The following SDK1 variants were observed in gnomAD, a reference collection of about 807,000 sequenced individuals.
SDK1 encodes sidekick cell adhesion molecule 1.
Under a neutral mutation model 245.5 loss-of-function variants are expected in SDK1, and 157 were observed. That is an observed-to-expected ratio of 0.64 (90% CI 0.56 to 0.73). The LOEUF (loss-of-function observed/expected upper bound fraction) is 0.73, where lower values mean the gene tolerates loss of function less well. Ranked by LOEUF, SDK1 falls within the 30% of genes least tolerant of loss-of-function variation. SDK1 has a pLI of 0.00. For synonymous variants in SDK1, 1,647 were observed against 1,278.5 expected (o/e 1.29, Z -6.15); for missense variants, 3,583 against 3,002.3 (o/e 1.19, Z -4.52).
At chr7:3,876,279 C>T (rs1458960622) in intron 5 of SDK1, among the ~76,000 whole-genome samples, 1 of 152,210 alleles carries the variant, frequency 6.6e-6, no homozygotes. Flanking sequence ...TTTTGGGCAG[C>T]ATTTTCCCCA....
rs201629013 is a variant in SDK1 at position 3,662,907 on chromosome 7, G to GA, written c.713+20808dup. 7.5e-3 allele frequency among the ~76,000 whole-genome samples: 1,148 copies of GA among 152,244 alleles called. 13 individuals are homozygous for GA. The highest frequency in any genetic ancestry group is 0.026 in the African/African-American group (1,083 of 41,542). ...TGCATTATGCAGATACTTGAAATCT[G>GA]AAAAAATCTGAAATACGAAGCACTT... is the stretch of plus-strand genomic sequence containing the variant. On this transcript the variant is annotated intron_variant, in intron 4 of 44. Coordinates refer to ENST00000404826, the MANE Select transcript of SDK1 (RefSeq NM_152744.4).
intron 1 of SDK1, among the ~76,000 whole-genome samples, chr7:3,391,888 C>CA: frequency 6.6e-6 from 1 of 151,570 alleles, no homozygotes; most frequent in East Asian, 1.9e-4. Flanking sequence ...GTTGCCCTCC[C>CA]AAAGTGATGG....
chr7:4,017,507 C>T (rs1220953426), intron 17 of SDK1, among the ~76,000 whole-genome samples, 155 bp downstream of exon 17: 4 of 152,176 alleles, frequency 2.6e-5, no homozygotes, highest in African/African-American at 4.8e-5. Context: ...TGGGATCTCT[C>T]CAGCTATTCC....
intron 1 of SDK1, among the ~76,000 whole-genome samples, chr7:3,586,699 C>T (rs1352005897): frequency 6.4e-5 from 9 of 140,282 alleles, no homozygotes; most frequent in East Asian, 2.0e-4. Flanking sequence ...AGCAAGACTC[C>T]GTCTCAAAAA....
intron 2 of SDK1, among the ~76,000 whole-genome samples, chr7:3,621,601 GA>G (rs1349935569): frequency 6.6e-6 from 1 of 152,184 alleles, no homozygotes; most frequent in Admixed American, 6.5e-5. Flanking sequence ...GATGTTTTCT[GA>G]AACTGAATTC....
chr7:3,535,700 G>C (rs1443945131), intron 1 of SDK1, among the ~76,000 whole-genome samples: 2 of 152,066 alleles, frequency 1.3e-5, no homozygotes, highest in African/African-American at 4.8e-5. Context: ...GATGTTTTCT[G>C]TGTATGTATA....
rs916790506 is a variant in SDK1 at position 3,404,852 on chromosome 7, T to C, written c.298+102968T>C. Among the ~76,000 whole-genome samples, 8 of 152,218 alleles carry C rather than the reference T, an allele frequency of 5.3e-5. 1 individual carries two copies. The highest frequency in any genetic ancestry group is 1.4e-4 in the African/African-American group (6 of 41,470). ...ATTTTCAAAGGCATGAAGTTTAAAATAATGTAATGTTAATTTTGTGCTCTG... is the reference window on the plus strand; with the variant it reads ...ATTTTCAAAGGCATGAAGTTTAAAACAATGTAATGTTAATTTTGTGCTCTG... On this transcript the variant is annotated intron_variant, in intron 1 of 44. Transcript: ENST00000404826.
intron 4 of SDK1, among the ~76,000 whole-genome samples, chr7:3,666,119 A>G (rs1171188384): frequency 2.6e-5 from 4 of 152,114 alleles, no homozygotes; most frequent in Admixed American, 6.5e-5. Flanking sequence ...CTCCTAATCC[A>G]GTTAACCAGA....
chr7:3,519,287 G>C (rs1782851546), intron 1 of SDK1, among the ~76,000 whole-genome samples: 2 of 151,998 alleles, frequency 1.3e-5, no homozygotes, highest in South Asian at 4.1e-4. Context: ...GGTATTGACT[G>C]TTCCCAACAC....
chr7:3,873,705 C>A (rs1317971562), intron 5 of SDK1, among the ~76,000 whole-genome samples: 1 of 152,084 alleles, frequency 6.6e-6, no homozygotes, highest in Non-Finnish European at 1.5e-5. Flanking sequence ...GTTCAGTAGT[C>A]TTTTCAAGTC....
chr7:4,070,920 C>T (rs1780217292), intron 20 of SDK1, among the ~76,000 whole-genome samples: 1 of 151,906 alleles, frequency 6.6e-6, no homozygotes. Context: ...CCATGTTAGC[C>T]AGGATGGTCT....
intron 22 of SDK1, among the ~76,000 whole-genome samples, chr7:4,107,326 C>G (rs1204386881): frequency 6.6e-6 from 1 of 151,954 alleles, no homozygotes; most frequent in Admixed American, 6.6e-5. Context: ...AGGCAGGAGG[C>G]TGCCGGGAAA....
intron 1 of SDK1, among the ~76,000 whole-genome samples, chr7:3,508,327 T>A (rs1562529397): frequency 1.8e-5 from 2 of 108,416 alleles, no homozygotes; most frequent in Non-Finnish European, 3.5e-5. Context: ...CTTCTTCTTC[T>A]TTTTTTTTTT....
intron 18 of SDK1, among the ~76,000 whole-genome samples, chr7:4,050,555 G>A (rs1789375285): frequency 6.6e-6 from 1 of 152,182 alleles, no homozygotes; most frequent in Admixed American, 6.5e-5. Flanking sequence ...GAAATGTTTG[G>A]TGCCAAAGGA....
intron 5 of SDK1, among the ~76,000 whole-genome samples, chr7:3,826,607 C>T (rs536556146): frequency 1.3e-5 from 2 of 152,190 alleles, no homozygotes; most frequent in East Asian, 3.9e-4. Flanking sequence ...AAACGAAATA[C>T]ACAAATACAT....
intron 7 of SDK1, among the ~76,000 whole-genome samples, chr7:3,954,712 G>A (rs1343257812): frequency 1.4e-5 from 2 of 148,088 alleles, no homozygotes; most frequent in Non-Finnish European, 3.0e-5. Context: ...TTGAATGAGT[G>A]TTGGCCTCAG....
chr7:3,492,737 A>G (rs951008146), intron 1 of SDK1, among the ~76,000 whole-genome samples: 5 of 152,150 alleles, frequency 3.3e-5, no homozygotes, highest in Admixed American at 6.5e-5. Flanking sequence ...TAAGTTTGTA[A>G]TTATTGAACA....
intron 1 of SDK1, among the ~76,000 whole-genome samples, chr7:3,566,727 A>C: frequency 6.6e-6 from 1 of 152,116 alleles, no homozygotes; most frequent in African/African-American, 2.4e-5. Context: ...TGCCAAAAAA[A>C]AAAAAAAAAA....
chr7:3,477,321 G>C (rs1435626908), intron 1 of SDK1, among the ~76,000 whole-genome samples: 3 of 141,930 alleles, frequency 2.1e-5, no homozygotes, highest in Admixed American at 7.3e-5. Context: ...TCAGCCTCCT[G>C]AGTAGCTGGG....
Sources: gnomAD v4.1 joint callset for allele counts (sites outside exome capture counted in the v4.1 genomes callset) on GRCh38, gnomAD v4.1.1 for gene constraint, MANE v1.5 for transcripts, NCBI Gene and HGNC (gene_info 2026-07-23, HGNC 2026-07-21) for gene names.